Variants in SKAP1 observed in about 807,000 individuals in gnomAD.
The protein encoded by SKAP1 is src kinase-associated phosphoprotein 1.
SKAP1 carries 44 observed loss-of-function variants against 58.5 expected under a neutral mutation model. The observed-to-expected ratio is 0.75, with a 90% CI of 0.59 to 0.97. The LOEUF (loss-of-function observed/expected upper bound fraction) is 0.97. Among genes scored for constraint, SKAP1 ranks in the 50% least tolerant of loss-of-function variants. SKAP1 has a pLI of 0.00. For synonymous variants in SKAP1, 127 were observed against 149.7 expected (o/e 0.85, Z 1.11); for missense variants, 390 against 435.2 (o/e 0.90, Z 0.92).
At chr17:48,330,381 A>G (rs1410282302) in intron 4 of SKAP1, among the ~76,000 whole-genome samples, 1 of 152,228 alleles carries the variant, frequency 6.6e-6, no homozygotes, top group Non-Finnish European at 1.5e-5. Context: ...GGAACTGCAG[A>G]TTGGCATAAA....
At chr17:48,434,674 A>C (rs2067931981), upstream of SKAP1, among the ~76,000 whole-genome samples, 1 of 152,148 alleles carries the variant, frequency 6.6e-6, no homozygotes, top group Non-Finnish European at 1.5e-5. Context: ...AAGGGAGCAA[A>C]TTCAAGATAA....
At chr17:48,434,821 C>T (rs1024638070), upstream of SKAP1, among the ~76,000 whole-genome samples, 3 of 152,112 alleles carry the variant, frequency 2.0e-5, no homozygotes, top group Non-Finnish European at 4.4e-5. Flanking sequence ...AGCCACTCTA[C>T]GAAGTCATCA....
intron 3 of SKAP1, among the ~76,000 whole-genome samples, chr17:48,360,232 T>C (rs185142557): frequency 6.6e-6 from 1 of 152,298 alleles, no homozygotes; most frequent in East Asian, 1.9e-4. Flanking sequence ...ATTCTGGGTC[T>C]ATGGTGGGAA....
Position 48,396,714 on chromosome 17 carries a change from G to A in SKAP1, c.118C>T (p.His40Tyr), listed in dbSNP as rs753812443. 1 of 1,612,994 alleles carries A rather than the reference G, an allele frequency of 6.2e-7. No homozygotes were observed. Among genetic ancestry groups the A allele is most frequent in the Admixed American group, 1.7e-5 (1 of 59,948 alleles). ...ATTTGCTGAAAGCCCCGTAGAATATGGTCTCTGTGATCCCTTGCAACAGCG... is the reference window on the plus strand; with the variant it reads ...ATTTGCTGAAAGCCCCGTAGAATATAGTCTCTGTGATCCCTTGCAACAGCG... ...LSAVARDHRD[H>Y]ILRGFQQIKA... Residue 40 changes from histidine (H) to tyrosine (Y), a missense_variant, in exon 2 of 13, where the codon CAT becomes TAT. By Grantham distance (83) the His-to-Tyr change is moderately conservative. Transcript: ENST00000336915.
chr17:48,170,760 A>C, intron 9 of SKAP1, 101 bp from the exon 10 acceptor site: 1 of 1,024,140 alleles, frequency 9.8e-7, no homozygotes. Context: ...TCTAGGCTGA[A>C]GTGCAGTGGA....
At chr17:48,144,875 G>A (rs1182574687) in intron 11 of SKAP1, among the ~76,000 whole-genome samples, 1 of 152,216 alleles carries the variant, frequency 6.6e-6, no homozygotes, top group Non-Finnish European at 1.5e-5. Flanking sequence ...CAATTTGGAA[G>A]TGTTTCTGTC....
At chr17:48,203,380 T>C (rs993528719) in intron 4 of SKAP1, among the ~76,000 whole-genome samples, 1 of 152,202 alleles carries the variant, frequency 6.6e-6, no homozygotes, top group Non-Finnish European at 1.5e-5. Context: ...TATAGACGGA[T>C]GAAATAGCAA....
intron 4 of SKAP1, among the ~76,000 whole-genome samples, chr17:48,322,423 T>C (rs2066378849): frequency 6.6e-6 from 1 of 152,194 alleles, no homozygotes; most frequent in Non-Finnish European, 1.5e-5. Flanking sequence ...GAATCTACAA[T>C]AAAGGGAAGT....
In SKAP1 at chr17:48,380,811, G is replaced by A. The variant is rs141870996; in HGVS notation, c.152+15869C>T. The stretch of plus-strand genomic sequence containing the variant: ...ATGAAACAAAGTTGAAAGTTGTCTG[G>A]GCCAGCTTTGAAAATCTATTAAATC... On this transcript the variant is annotated intron_variant, in intron 2 of 12. Transcript: ENST00000336915. Among the ~76,000 whole-genome samples, 642 of 152,162 alleles carry A rather than the reference G, an allele frequency of 4.2e-3. 9 individuals are homozygous for A. Among genetic ancestry groups the A allele is most frequent in the African/African-American group, 0.014 (596 of 41,496 alleles).
intron 11 of SKAP1, among the ~76,000 whole-genome samples, chr17:48,161,481 A>G (rs886338026): frequency 2.0e-5 from 3 of 152,250 alleles, no homozygotes; most frequent in African/African-American, 7.2e-5. Context: ...CTTTACCAAC[A>G]TGATGCTACT....
chr17:48,257,180 C>T (rs1325220684), intron 4 of SKAP1, among the ~76,000 whole-genome samples: 1 of 151,642 alleles, frequency 6.6e-6, no homozygotes, highest in Non-Finnish European at 1.5e-5. Context: ...AAACAAGTCT[C>T]ATTACCTACA....
At chr17:48,184,690 A>T in intron 7 of SKAP1, 33 bp downstream of exon 7, 1 of 1,613,820 alleles carries the variant, frequency 6.2e-7, no homozygotes. Flanking sequence ...CTGCAACACC[A>T]AGAAGGATCA....
rs554894989 is a variant in SKAP1 at position 48,315,097 on chromosome 17, G to A, written c.280+30808C>T. ...GCCTCAAGATAGTTCAATGACAAAT[G>A]GATGGATAGCAAAATATAACTAAAA... is the stretch of plus-strand genomic sequence containing the variant. On this transcript the variant is annotated intron_variant, in intron 4 of 12. Transcript: ENST00000336915. Among the ~76,000 whole-genome samples, 11 of 152,242 alleles carry A rather than the reference G, an allele frequency of 7.2e-5. No homozygotes were observed. In the South Asian group the frequency reaches 2.3e-3, roughly 32 times the overall value.
chr17:48,420,939 C>T (rs987218060), intron 1 of SKAP1, among the ~76,000 whole-genome samples: 3 of 152,136 alleles, frequency 2.0e-5, no homozygotes, highest in Admixed American at 1.3e-4. Context: ...GCCAAAAGCC[C>T]CCAGGGTCAA....
intron 4 of SKAP1, among the ~76,000 whole-genome samples, chr17:48,303,081 G>GA (rs1170912118): frequency 7.2e-5 from 11 of 152,040 alleles, no homozygotes; most frequent in African/African-American, 2.2e-4. Context: ...AGTACAAAGT[G>GA]AAAAAACAAG....
intron 4 of SKAP1, among the ~76,000 whole-genome samples, chr17:48,334,808 C>T (rs1316548252): frequency 2.6e-5 from 4 of 151,668 alleles, no homozygotes; most frequent in Non-Finnish European, 3.0e-5. Flanking sequence ...TCTTCAGGTG[C>T]TCATAGGAAT....
In SKAP1 at chr17:48,256,044, T is replaced by C. The variant is rs555083879; in HGVS notation, c.281-66544A>G. On this transcript the variant is annotated intron_variant, in intron 4 of 12. Coordinates refer to ENST00000336915, the MANE Select transcript of SKAP1 (RefSeq NM_003726.4). ...AAAGGCTTCTGCAAAGATGCATTTT[T>C]AAATCAATATAAATAAGGTTATAAA... Among the ~76,000 whole-genome samples, 4 of 152,242 alleles carry C rather than the reference T, an allele frequency of 2.6e-5. No homozygotes were observed. In the South Asian group the frequency reaches 6.2e-4, roughly 24 times the overall value.
chr17:48,277,741 C>T (rs1194446730), intron 4 of SKAP1, among the ~76,000 whole-genome samples: 1 of 152,108 alleles, frequency 6.6e-6, no homozygotes, highest in Non-Finnish European at 1.5e-5. Flanking sequence ...CTTAGGACTA[C>T]AGTCTCATAC....
chr17:48,341,251 A>C (rs1045718207), intron 4 of SKAP1, among the ~76,000 whole-genome samples: 2 of 152,196 alleles, frequency 1.3e-5, no homozygotes, highest in Non-Finnish European at 2.9e-5. Flanking sequence ...GGCACCATGA[A>C]ATTTAAGACA....
Sources: allele counts gnomAD v4.1 joint callset (sites outside exome capture counted in the v4.1 genomes callset), GRCh38; gene constraint gnomAD v4.1.1; transcripts MANE v1.5; gene names NCBI Gene and HGNC (gene_info 2026-07-23, HGNC 2026-07-21).